The following ATXN1 variants were observed in gnomAD, a reference collection of about 807,000 sequenced individuals.
ATXN1 encodes the protein ataxin 1.
A neutral mutation model predicts 56.4 loss-of-function variants in ATXN1; 8 were observed. The observed-to-expected ratio is 0.14, with a 90% CI of 0.08 to 0.26. The LOEUF (loss-of-function observed/expected upper bound fraction) is 0.26. Among genes scored for constraint, ATXN1 ranks in the 10% least tolerant of loss-of-function variants. ATXN1 has a pLI of 1.00. For missense variants in ATXN1, 987 were observed against 1,106.5 expected (o/e 0.89, Z 1.53); for synonymous variants, 514 against 494.6 (o/e 1.04, Z -0.52).
intron 4 of ATXN1, among the ~76,000 whole-genome samples, chr6:16,553,446 C>T (rs1402222514): frequency 2.6e-5 from 4 of 152,060 alleles, no homozygotes; most frequent in East Asian, 1.9e-4. Flanking sequence ...TTTGTATTTC[C>T]GTCTCACAGT....
At chr6:16,611,458 C>T (rs571208268) in intron 3 of ATXN1, among the ~76,000 whole-genome samples, 36 of 152,158 alleles carry the variant, frequency 2.4e-4, no homozygotes, top group Non-Finnish European at 4.0e-4. Flanking sequence ...TTAGAATAAG[C>T]GTATCAACAT....
At chr6:16,378,355 CCCAG>C (rs1238847379) in intron 6 of ATXN1, among the ~76,000 whole-genome samples, 2 of 151,974 alleles carry the variant, frequency 1.3e-5, no homozygotes, top group African/African-American at 4.8e-5. Context: ...CCTTAATATC[CCCAG>C]TAATTCTTTC....
intron 3 of ATXN1, among the ~76,000 whole-genome samples, chr6:16,645,339 A>G (rs1235670956): frequency 1.3e-5 from 2 of 152,220 alleles, no homozygotes; most frequent in Non-Finnish European, 2.9e-5. Flanking sequence ...CAGCAGCATC[A>G]TTTAGAAGAA....
Position 16,327,333 on chromosome 6 carries a change from A to T in ATXN1, c.978T>A (p.Gly326=). The T allele has an allele frequency of 2.5e-6, 4 of 1,611,520 alleles. No homozygotes were observed. The highest frequency in any genetic ancestry group is 3.4e-6 in the Non-Finnish European group (4 of 1,179,632). The change falls in exon 7 of 8, where the codon GGT becomes GGA. Residue 326 remains glycine, a synonymous_variant. Transcript: ENST00000436367. ...CGTACCGCCGGCTCTTCTCCATCTC[A>T]CCGTTCAGGACCTCCTTGGCCTGGA... The part of the protein sequence containing the change: ...QAIQAKEVLN[G]EMEKSRRYGA...
At chr6:16,581,797 C>T in intron 4 of ATXN1, among the ~76,000 whole-genome samples, 1 of 152,108 alleles carries the variant, frequency 6.6e-6, no homozygotes, top group Admixed American at 6.5e-5. Flanking sequence ...GAACAAGGTA[C>T]ACGTGTTCTG....
intron 2 of ATXN1, among the ~76,000 whole-genome samples, chr6:16,709,910 A>G (rs1254192388): frequency 6.6e-6 from 1 of 152,248 alleles, no homozygotes; most frequent in African/African-American, 2.4e-5. Context: ...TTTAACACTT[A>G]AAACCAATCA....
At chr6:16,460,403 G>C (rs1413946365) in intron 6 of ATXN1, among the ~76,000 whole-genome samples, 1 of 152,218 alleles carries the variant, frequency 6.6e-6, no homozygotes, top group Non-Finnish European at 1.5e-5. Flanking sequence ...TTTACGGGTA[G>C]TTGTGGCAGT....
chr6:16,643,578 G>C (rs1763747186), intron 3 of ATXN1, among the ~76,000 whole-genome samples: 1 of 137,696 alleles, frequency 7.3e-6, no homozygotes, highest in African/African-American at 2.7e-5. Flanking sequence ...GCAGTGAGCT[G>C]AGATTGCACC....
rs1433582135 is a variant in ATXN1 at position 16,615,582 on chromosome 6, A to C, written c.-488-29675T>G. On this transcript the variant is annotated intron_variant, in intron 3 of 7. Transcript: ENST00000436367. Reference sequence around the variant, plus strand: ...CAGCATCACCATTCAATAGACAAAAATTATCATTATCAAAGCGGCCAAAAA... The same window carrying C: ...CAGCATCACCATTCAATAGACAAAACTTATCATTATCAAAGCGGCCAAAAA... The C allele has an allele frequency of 5.4e-5, 8 of 149,048 alleles. No individual in the cohort carries two copies. In the East Asian group the frequency reaches 1.6e-3, roughly 29 times the overall value. 9.2% of individuals were successfully genotyped at this position (149,048 alleles called of 1,614,324 possible).
intron 2 of ATXN1, among the ~76,000 whole-genome samples, chr6:16,686,870 A>G (rs1758929607): frequency 6.6e-6 from 1 of 152,220 alleles, no homozygotes; most frequent in South Asian, 2.1e-4. Context: ...ATGAACTTGG[A>G]GCATATTTAC....
intron 6 of ATXN1, among the ~76,000 whole-genome samples, chr6:16,364,945 T>C (rs1457604576): frequency 1.3e-5 from 2 of 152,170 alleles, no homozygotes; most frequent in African/African-American, 4.8e-5. Context: ...TAAAAGGCAG[T>C]TGCTCCTGTC....
chr6:16,743,398 G>A (rs1222285923), intron 2 of ATXN1, among the ~76,000 whole-genome samples: 1 of 152,194 alleles, frequency 6.6e-6, no homozygotes, highest in African/African-American at 2.4e-5. Flanking sequence ...ACAAACAGGT[G>A]CCATAGCTTT....
Position 16,326,037 on chromosome 6 carries a change from A to AGT in ATXN1, c.1917+355_1917+356dup, listed in dbSNP as rs1760795799. On this transcript the variant is annotated intron_variant, in intron 7 of 7. Transcript: ENST00000436367. The surrounding 1 kb of genome is among the most constrained non-coding windows in gnomAD (Gnocchi z 6.6). ...CCTCTGTCTTTTCCTGGTAAGAAAA[A>AGT]GTGCCGAATGACCACTAGAAGGACC... Among the ~76,000 whole-genome samples the AGT allele has an allele frequency of 6.6e-6, 1 of 152,224 alleles. No homozygotes were observed.
chr6:16,757,198 T>A (rs749248494), intron 1 of ATXN1, among the ~76,000 whole-genome samples: 19 of 152,240 alleles, frequency 1.2e-4, no homozygotes, highest in African/African-American at 4.3e-4. Context: ...AGTCCTGAAG[T>A]CTAGTCGTAA....
At chr6:16,520,018 A>G (rs73724885) in intron 5 of ATXN1, among the ~76,000 whole-genome samples, 1,686 of 152,302 alleles carry the variant, frequency 0.011, 41 homozygotes, top group African/African-American at 0.038. Context: ...CACAGTCATT[A>G]TATGTTTTCT....
At chr6:16,749,690 T>C (rs1395039301) in intron 2 of ATXN1, among the ~76,000 whole-genome samples, 1 of 152,144 alleles carries the variant, frequency 6.6e-6, no homozygotes, top group African/African-American at 2.4e-5. Context: ...GCCACATCAA[T>C]GTTGAAGCTA....
rs147161962 is a variant in ATXN1 at position 16,592,463 on chromosome 6, A to G, written c.-488-6556T>C. Among the ~76,000 whole-genome samples the G allele has an allele frequency of 5.3e-4, 81 of 152,272 alleles. No homozygotes were observed. In the Middle Eastern group the frequency reaches 0.01, roughly 19 times the overall value. Reference sequence around the variant, plus strand: ...CTCAGAAAAGAAAGGTGGGCACCAAAAGAACAGGTTTCTCATAATATCCTA... The same window carrying G: ...CTCAGAAAAGAAAGGTGGGCACCAAGAGAACAGGTTTCTCATAATATCCTA... On this transcript the variant is annotated intron_variant, in intron 3 of 7. Coordinates refer to ENST00000436367, the MANE Select transcript of ATXN1 (RefSeq NM_001128164.2).
chr6:16,690,038 C>G (rs17669205), intron 2 of ATXN1, among the ~76,000 whole-genome samples: 7,434 of 152,104 alleles, frequency 0.049, 271 homozygotes, highest in Middle Eastern at 0.071. Flanking sequence ...AAACAAACCA[C>G]TCAGGATTCT....
intron 6 of ATXN1, among the ~76,000 whole-genome samples, chr6:16,472,900 C>T (rs555912003): frequency 2.0e-5 from 3 of 152,334 alleles, no homozygotes; most frequent in African/African-American, 7.2e-5. Flanking sequence ...TCTGTTCGAA[C>T]TCTTTGATTG....
Sources: gnomAD v4.1 joint callset for allele counts (sites outside exome capture counted in the v4.1 genomes callset) on GRCh38, gnomAD v4.1.1 for gene constraint, Gnocchi (gnomAD v3.1) non-coding constraint, MANE v1.5 for transcripts, NCBI Gene and HGNC (gene_info 2026-07-23, HGNC 2026-07-21) for gene names.